The following SIPA1L3 variants were observed in gnomAD, a reference collection of about 807,000 sequenced individuals.
SIPA1L3 encodes signal-induced proliferation-associated 1-like protein 3.
In SIPA1L3, 59 loss-of-function variants were observed where a neutral mutation model predicts 150.1. The ratio of observed to expected loss-of-function variants is 0.39; its 90% confidence interval spans 0.32 to 0.49. SIPA1L3 has a LOEUF of 0.49. SIPA1L3 is among the 20% of genes least tolerant of loss of function. The pLI is 0.86. For missense variants in SIPA1L3, 2,211 were observed against 2,489.5 expected, an observed-to-expected ratio of 0.89 and a Z score of 2.38; for synonymous variants, 1,070 against 1,077.6, an observed-to-expected ratio of 0.99 and a Z score of 0.14.
Position 38,206,393 on chromosome 19 carries a change from G to T in SIPA1L3, c.*153G>T. 1 of 926,970 alleles carries T rather than the reference G, an allele frequency of 1.1e-6. No homozygotes were observed. 57.4% of individuals were successfully genotyped at this position (926,970 alleles called of 1,614,324 possible). A position where few individuals can be genotyped will look rare whatever the true frequency, so the allele number is the denominator to read the frequency against. On this transcript the variant is annotated 3_prime_UTR_variant, in exon 22 of 22. Coordinates refer to ENST00000222345, the MANE Select transcript of SIPA1L3 (RefSeq NM_015073.3). ...CGGAAACTCCGATGGCCTCACTAGG[G>T]CTGTGAGTCAGGGTCAGCGCGCACA...
At chr19:38,157,890 A>G (rs1160954006) in intron 13 of SIPA1L3, among the ~76,000 whole-genome samples, 1 of 152,180 alleles carries the variant, frequency 6.6e-6, no homozygotes, top group African/African-American at 2.4e-5. Context: ...TGGTGGGAGA[A>G]TTGGACAATT....
chr19:38,183,580 G>A (rs1397867542), intron 16 of SIPA1L3, among the ~76,000 whole-genome samples: 1 of 152,210 alleles, frequency 6.6e-6, no homozygotes, highest in African/African-American at 2.4e-5. Context: ...ATTCGCAGGA[G>A]ACATCCAGAC....
chr19:38,135,709 G>A (rs1291617815), intron 10 of SIPA1L3, among the ~76,000 whole-genome samples: 1 of 152,150 alleles, frequency 6.6e-6, no homozygotes, highest in Admixed American at 6.5e-5. Flanking sequence ...CCCTTTATAA[G>A]GCAGCTGCTG....
intron 13 of SIPA1L3, among the ~76,000 whole-genome samples, chr19:38,157,142 A>G (rs1971967596): frequency 6.6e-6 from 1 of 152,216 alleles, no homozygotes; most frequent in Non-Finnish European, 1.5e-5. Flanking sequence ...CCTGGCCGAC[A>G]GAGCAACACC....
intron 2 of SIPA1L3, among the ~76,000 whole-genome samples, chr19:38,069,954 G>A (rs553954094): frequency 4.3e-4 from 66 of 151,776 alleles, no homozygotes; most frequent in East Asian, 3.5e-3. Context: ...GGGATTACAG[G>A]CACGAGCTAC....
intron 6 of SIPA1L3, among the ~76,000 whole-genome samples, chr19:38,105,826 G>T (rs1283103359): frequency 6.6e-6 from 1 of 152,208 alleles, no homozygotes; most frequent in African/African-American, 2.4e-5. Flanking sequence ...GACGCTTGAA[G>T]ATTCTTGTAC....
rs1425477418 is a variant in SIPA1L3 at position 38,106,629 on chromosome 19, A to G, written c.2122A>G (p.Asn708Asp). 1 of 1,610,448 alleles carries G rather than the reference A, an allele frequency of 6.2e-7. No individual in the cohort carries two copies. Among genetic ancestry groups the G allele is most frequent in the Non-Finnish European group, 8.5e-7 (1 of 1,176,862 alleles). Reference sequence around the variant, plus strand: ...CACCCTGCTCCCTTACACCCCCAACAACAGGCAGCAGGTCAGTGATTTTCA... The same window carrying G: ...CACCCTGCTCCCTTACACCCCCAACGACAGGCAGCAGGTCAGTGATTTTCA... ...VSTLLPYTPN[N>D]RQQLLRKRHI... Residue 708 changes from asparagine to aspartate, a missense_variant, in exon 7 of 22, where the codon AAC (asparagine) becomes GAC (aspartate). Transcript: ENST00000222345.
rs1290022835 is a variant in SIPA1L3, at chr19:38,142,703, C to T, written c.3526C>T (p.Pro1176Ser). The T allele has an allele frequency of 2.5e-6, 4 of 1,613,008 alleles. No homozygotes were observed. Among genetic ancestry groups the T allele is most frequent in the Non-Finnish European group, 3.4e-6 (4 of 1,179,238 alleles). ...CACCTACGTGAGATACAAGCCATCC[C>T]CAGAAAGGTCAGCCTCCCTCAATTC... is the stretch of plus-strand genomic sequence containing the variant. ...SATYVRYKPS[P>S]ERYTAAPHPL... The change falls in exon 12 of 22, where the codon CCA (proline) becomes TCA (serine). Residue 1176 changes from proline to serine, a missense_variant. Pro to Ser is a moderately conservative substitution (Grantham distance 74, BLOSUM62 -1). This residue lies in a region of SIPA1L3 where 806 missense variants were observed against 870.1 expected (regional missense o/e 0.93). Transcript: ENST00000222345.
chr19:38,096,398 A>G (rs1012499866), intron 4 of SIPA1L3, among the ~76,000 whole-genome samples: 2 of 151,986 alleles, frequency 1.3e-5, no homozygotes, highest in Admixed American at 1.3e-4. Context: ...TAGAGGCATG[A>G]GCCATCATGC....
At chr19:38,122,189 C>A (rs1568561345) in intron 9 of SIPA1L3, among the ~76,000 whole-genome samples, 1 of 152,162 alleles carries the variant, frequency 6.6e-6, no homozygotes. Context: ...CCACTGCACT[C>A]CAACGTGGGT....
intron 4 of SIPA1L3, among the ~76,000 whole-genome samples, chr19:38,098,893 A>G (rs930422246): frequency 1.3e-5 from 2 of 152,214 alleles, no homozygotes; most frequent in Non-Finnish European, 1.5e-5. Flanking sequence ...GTATGCAAAC[A>G]TGCATGTCTG....
chr19:38,169,843 G>A, intron 15 of SIPA1L3, among the ~76,000 whole-genome samples: 1 of 152,070 alleles, frequency 6.6e-6, no homozygotes, highest in African/African-American at 2.4e-5. Context: ...CCAGGCAGAG[G>A]GGTCAGGGTC....
intron 2 of SIPA1L3, among the ~76,000 whole-genome samples, chr19:38,045,206 C>T (rs1969027429): frequency 6.6e-6 from 1 of 151,860 alleles, no homozygotes; most frequent in Non-Finnish European, 1.5e-5. Context: ...GGTGAAACCC[C>T]GTCTCTACAA....
chr19:37,965,890 C>T (rs2046900058), intron 1 of SIPA1L3, among the ~76,000 whole-genome samples: 1 of 152,148 alleles, frequency 6.6e-6, no homozygotes, highest in Admixed American at 6.6e-5. Context: ...TGGGCATTGC[C>T]ACCTCCTGCC....
At chr19:37,952,390 C>T (rs1296538549) in intron 1 of SIPA1L3, among the ~76,000 whole-genome samples, 1 of 152,094 alleles carries the variant, frequency 6.6e-6, no homozygotes, top group African/African-American at 2.4e-5. Context: ...AAAAAATTCT[C>T]TGCCAGGCGC....
chr19:38,102,592 G>GAAAAAAA (rs71179412), intron 6 of SIPA1L3, among the ~76,000 whole-genome samples: 1 of 66,872 alleles, frequency 1.5e-5, no homozygotes, highest in Admixed American at 1.5e-4. Context: ...CCCTGTCTCT[G>GAAAAAAA]AAAAAAAAAA....
intron 10 of SIPA1L3, among the ~76,000 whole-genome samples, chr19:38,134,866 A>C (rs1480948731): frequency 1.3e-5 from 2 of 152,170 alleles, no homozygotes; most frequent in Non-Finnish European, 2.9e-5. Context: ...AGGTGAGGGC[A>C]AAGGCCCTTA....
At chr19:37,941,178 C>T (rs575753835) in intron 1 of SIPA1L3, among the ~76,000 whole-genome samples, 7 of 150,936 alleles carry the variant, frequency 4.6e-5, no homozygotes, top group African/African-American at 7.3e-5. Flanking sequence ...GCTGTGTATC[C>T]GTTAGGGATG....
At chr19:38,001,013 CATAT>C (rs930426523) in intron 1 of SIPA1L3, among the ~76,000 whole-genome samples, 2 of 149,298 alleles carry the variant, frequency 1.3e-5, no homozygotes, top group South Asian at 2.1e-4. Flanking sequence ...ATCATATACA[CATAT>C]ATATCACACA....
Sources: allele counts gnomAD v4.1 joint callset (sites outside exome capture counted in the v4.1 genomes callset), GRCh38; gene constraint gnomAD v4.1.1; regional missense constraint gnomAD v4.1.1; transcripts MANE v1.5; gene names NCBI Gene and HGNC (gene_info 2026-07-23, HGNC 2026-07-21).